The following TRPC4AP variants were observed in gnomAD, a reference collection of about 807,000 sequenced individuals.
TRPC4AP encodes transient receptor potential cation channel subfamily C member 4 associated protein, also known as short transient receptor potential channel 4-associated protein.
A neutral mutation model predicts 99.0 loss-of-function variants in TRPC4AP; 45 were observed. The ratio of observed to expected loss-of-function variants is 0.45; its 90% CI spans 0.36 to 0.58. TRPC4AP has a LOEUF of 0.58. Among genes scored for constraint, TRPC4AP ranks in the 20% least tolerant of loss-of-function variants. The pLI is 0.00. For synonymous variants in TRPC4AP, 408 were observed against 385.8 expected, an observed-to-expected ratio of 1.06 and a Z score of -0.67; for missense variants, 879 against 985.3, an observed-to-expected ratio of 0.89 and a Z score of 1.44.
At chr20:35,032,334 T>C (rs552802641) in intron 8 of TRPC4AP, among the ~76,000 whole-genome samples, 13 of 152,176 alleles carry the variant, frequency 8.5e-5, no homozygotes, top group African/African-American at 3.1e-4. Context: ...CTGATTATTA[T>C]ACTACTCTTC....
intron 2 of TRPC4AP, among the ~76,000 whole-genome samples, chr20:35,077,812 T>C (rs142807177): frequency 5.3e-5 from 8 of 152,156 alleles, no homozygotes; most frequent in African/African-American, 1.9e-4. Flanking sequence ...TAAACACACA[T>C]AGAGCCCAAA....
Position 35,002,825 on chromosome 20 carries a change from A to T in TRPC4AP, c.*321T>A, listed in dbSNP as rs1163525786. On this transcript the variant is annotated 3_prime_UTR_variant, in exon 19 of 19. Coordinates refer to ENST00000252015, the MANE Select transcript of TRPC4AP (RefSeq NM_015638.3). ...CCTCCCCACTCTGGGACTGACTGAC[A>T]GCCAAGAAACCGGCAGGAGCTCACA... 3.9e-6 allele frequency: 1 copy of T among 257,408 alleles called. No individual in the cohort carries two copies. The highest frequency in any genetic ancestry group is 7.5e-6 in the Non-Finnish European group (1 of 133,398). The allele number at this position is 257,408 out of a possible 1,614,324, so 15.9% of individuals were successfully genotyped here.
Position 35,015,955 on chromosome 20 carries a change from C to T in TRPC4AP, c.1350+53G>A, listed in dbSNP as rs1017476902. 5 of 1,607,664 alleles carry T rather than the reference C, an allele frequency of 3.1e-6. No individual in the cohort carries two copies. The Admixed American group carries it at 6.7e-5, about 22-fold the overall frequency. ...AAAGGGTCAGCAGCAGGTCTTGAAA[C>T]AACTACTCCAAGCCAGTGAGGCCCC... On this transcript the variant is annotated intron_variant, in intron 10 of 18. Coordinates refer to ENST00000252015, the MANE Select transcript of TRPC4AP (RefSeq NM_015638.3).
intron 5 of TRPC4AP, among the ~76,000 whole-genome samples, chr20:35,053,157 C>A (rs956437772): frequency 2.7e-4 from 41 of 152,096 alleles, no homozygotes; most frequent in African/African-American, 9.7e-4. Context: ...CTTGGGATAG[C>A]CATCAGCTTA....
At chr20:35,018,621 A>G (rs1387693992) in intron 9 of TRPC4AP, among the ~76,000 whole-genome samples, 1 of 151,284 alleles carries the variant, frequency 6.6e-6, no homozygotes, top group Non-Finnish European at 1.5e-5. Context: ...AAAAAAAAAA[A>G]AAAAAGAAAG....
intron 3 of TRPC4AP, among the ~76,000 whole-genome samples, chr20:35,058,890 T>C (rs1442248501): frequency 6.6e-6 from 1 of 152,026 alleles, no homozygotes; most frequent in Non-Finnish European, 1.5e-5. Context: ...GGTTTTGCCA[T>C]GTTGGCCAGG....
intron 1 of TRPC4AP, among the ~76,000 whole-genome samples, chr20:35,079,544 C>T (rs2084572782): frequency 6.6e-6 from 1 of 152,008 alleles, no homozygotes; most frequent in Admixed American, 6.6e-5. Flanking sequence ...GAGCAAACAT[C>T]ACTGAAATTG....
chr20:35,029,981 C>CCCGTA (rs1299544505), intron 8 of TRPC4AP, among the ~76,000 whole-genome samples: 3 of 143,038 alleles, frequency 2.1e-5, no homozygotes, highest in African/African-American at 7.5e-5. Context: ...GTGGCTCATA[C>CCCGTA]CCGTAATCCC....
chr20:35,080,808 T>TGTTG (rs58763520), intron 1 of TRPC4AP, among the ~76,000 whole-genome samples: 2 of 148,590 alleles, frequency 1.3e-5, no homozygotes, highest in Admixed American at 6.8e-5. Flanking sequence ...ACTTCAGTTT[T>TGTTG]TTTTTTTTTT....
rs1482059700 is a variant in TRPC4AP at position 35,092,799 on chromosome 20, A to T, written c.-18T>A. 4.6e-6 allele frequency: 7 copies of T among 1,509,856 alleles called. No homozygotes were observed. The highest frequency in any genetic ancestry group is 6.1e-6 in the Non-Finnish European group (7 of 1,141,036). The allele number at this position is 1,509,856 out of a possible 1,614,324, so 93.5% of individuals were successfully genotyped here. A position where few individuals can be genotyped will look rare whatever the true frequency, so the allele number is the denominator to read the frequency against. ...GCCGCCATGTCTCCTCGTCGGACAA[A>T]CAGGAAGCAAGCGGCCTCGGGGCCG... On this transcript the variant is annotated 5_prime_UTR_variant, in exon 1 of 19. Transcript: ENST00000252015.
rs561842976 is a variant in TRPC4AP, at chr20:35,046,875, AT to A, written c.658-2164del. 4.9e-3 allele frequency among the ~76,000 whole-genome samples: 722 copies of A among 147,846 alleles called. 3 individuals carry two copies. Among genetic ancestry groups the A allele is most frequent in the African/African-American group, 0.017 (674 of 40,484 alleles). ...TTTTTGTTTTGTCTTAAATTTTAAG[AT>A]TTTTTTTTTTAAGGCGGAGTCTCAC... On this transcript the variant is annotated intron_variant, in intron 6 of 18. Transcript: ENST00000252015.
chr20:35,017,825 G>C (rs1393996026), intron 9 of TRPC4AP, among the ~76,000 whole-genome samples: 1 of 152,216 alleles, frequency 6.6e-6, no homozygotes, highest in Admixed American at 6.5e-5. Flanking sequence ...TAATAGAGGT[G>C]ACTATTCTCT....
chr20:35,026,293 CAGCCTCA>C (rs2083029968), intron 8 of TRPC4AP, among the ~76,000 whole-genome samples: 1 of 151,768 alleles, frequency 6.6e-6, no homozygotes, highest in Admixed American at 6.6e-5. Context: ...CAGGTTACTG[CAGCCTCA>C]AACTCCTGGG....
intron 1 of TRPC4AP, among the ~76,000 whole-genome samples, chr20:35,079,273 A>G (rs1301573838): frequency 6.6e-6 from 1 of 152,234 alleles, no homozygotes; most frequent in Non-Finnish European, 1.5e-5. Flanking sequence ...AATATGAGGC[A>G]AAAACTGCCT....
At chr20:35,070,415 CTTTTTTTT>C (rs942406993) in intron 2 of TRPC4AP, among the ~76,000 whole-genome samples, 15 of 145,228 alleles carry the variant, frequency 1.0e-4, no homozygotes, top group African/African-American at 3.8e-4. Flanking sequence ...CAAACCATTT[CTTTTTTTT>C]TTTTTGAGAG....
intron 1 of TRPC4AP, among the ~76,000 whole-genome samples, chr20:35,084,903 T>C (rs1259081321): frequency 2.0e-5 from 3 of 152,090 alleles, no homozygotes; most frequent in Non-Finnish European, 4.4e-5. Context: ...ATAATAATGC[T>C]AACATCATAA....
chr20:35,092,576 G>A (rs1360842594), intron 1 of TRPC4AP, 38 bp downstream of exon 1: 1 of 1,438,708 alleles, frequency 7.0e-7, no homozygotes, highest in Admixed American at 2.8e-5. Flanking sequence ...CTCCCGCCTG[G>A]TCCGCCCCGC....
chr20:35,035,268 G>A lies in TRPC4AP; in HGVS notation c.906C>T (p.Cys302=), dbSNP rs2083293275. 3 of 1,613,920 alleles carry A rather than the reference G, an allele frequency of 1.9e-6. No individual in the cohort carries two copies. Among genetic ancestry groups the A allele is most frequent in the Non-Finnish European group, 2.5e-6 (3 of 1,179,986 alleles). Residue 302 remains cysteine (C), a synonymous_variant, in exon 8 of 19, where the codon TGC becomes TGT. Coordinates refer to ENST00000252015, the MANE Select transcript of TRPC4AP (RefSeq NM_015638.3). Reference sequence around the variant, plus strand: ...CTGACACCTTTCGAGTCGCCAGTTTGCAAAGCCGCTCAACAAAGCCAGGAA... The same window carrying A: ...CTGACACCTTTCGAGTCGCCAGTTTACAAAGCCGCTCAACAAAGCCAGGAA... The part of the protein sequence containing the change: ...LSIPGFVERL[C]KLATRKVSES...
In TRPC4AP at chr20:35,002,438, T is replaced by TTTAA. The variant is rs1438968770; in HGVS notation, c.*704_*707dup. 29 of 397,256 alleles carry TTTAA rather than the reference T, an allele frequency of 7.3e-5. No homozygotes were observed. The highest frequency in any genetic ancestry group is 1.1e-4 in the Non-Finnish European group (25 of 226,262). 24.6% of individuals were successfully genotyped at this position (397,256 alleles called of 1,614,324 possible). On this transcript the variant is annotated 3_prime_UTR_variant, in exon 19 of 19. Transcript: ENST00000252015. Reference sequence around the variant, plus strand: ...AAATAAAGTTATTTAATAGTCTCCATTTAATTGGTTTATTTGCTGTTAATA... The same window carrying TTTAA: ...AAATAAAGTTATTTAATAGTCTCCATTTAATTAATTGGTTTATTTGCTGTTAATA...
Sources: gnomAD v4.1 joint callset for allele counts (sites outside exome capture counted in the v4.1 genomes callset) on GRCh38, gnomAD v4.1.1 for gene constraint, MANE v1.5 for transcripts, NCBI Gene and HGNC (gene_info 2026-07-23, HGNC 2026-07-21) for gene names.